MPRIP: variants seen among roughly 807,000 people sequenced by gnomAD.
The protein encoded by MPRIP is myosin phosphatase Rho interacting protein, also known as myosin phosphatase Rho-interacting protein.
MPRIP carries 59 observed loss-of-function variants against 234.9 expected under a neutral mutation model. The ratio of observed to expected loss-of-function variants is 0.25; its 90% CI spans 0.20 to 0.31. The LOEUF is 0.31. MPRIP is among the 10% of genes least tolerant of loss of function. The probability of loss-of-function intolerance (pLI) is 1.00; values close to 1 mark genes in which losing one functional copy is unlikely to be tolerated. For missense variants in MPRIP, 2,436 were observed against 3,071.0 expected (o/e 0.79, Z 4.89); for synonymous variants, 1,144 against 1,263.9 (o/e 0.91, Z 2.01).
At chr17:17,097,805 T>C (rs760103415) in intron 3 of MPRIP, among the ~76,000 whole-genome samples, 4 of 152,162 alleles carry the variant, frequency 2.6e-5, no homozygotes, top group Non-Finnish European at 5.9e-5. Context: ...CAATTTTCCT[T>C]TCTCCACATC....
chr17:17,144,653 C>G (rs1186297562), intron 9 of MPRIP, among the ~76,000 whole-genome samples: 1 of 152,140 alleles, frequency 6.6e-6, no homozygotes, highest in Non-Finnish European at 1.5e-5. Flanking sequence ...GTCAAGAGAT[C>G]GAGACCATCC....
chr17:17,154,136 A>T (rs2045672698), intron 12 of MPRIP, among the ~76,000 whole-genome samples, 170 bp from the exon 13 acceptor site: 1 of 152,158 alleles, frequency 6.6e-6, no homozygotes, highest in South Asian at 2.1e-4. Context: ...CCTGCTCTCC[A>T]GCTCCCTCAT....
chr17:17,069,751 C>T (rs2089149397), intron 1 of MPRIP, among the ~76,000 whole-genome samples: 1 of 152,010 alleles, frequency 6.6e-6, no homozygotes, highest in Non-Finnish European at 1.5e-5. Context: ...ACGTTTAGAA[C>T]CACATTAGAC....
chr17:17,116,487 A>G (rs879501056), intron 3 of MPRIP, among the ~76,000 whole-genome samples: 6 of 152,172 alleles, frequency 3.9e-5, no homozygotes, highest in South Asian at 2.1e-4. Flanking sequence ...GGCCGGATCT[A>G]TGTTCATGAA....
rs555403048 is a variant in MPRIP at position 17,158,490 on chromosome 17, A to G, written c.1888A>G (p.Thr630Ala). 1.2e-6 allele frequency: 2 copies of G among 1,610,142 alleles called. No homozygotes were observed. Among genetic ancestry groups the G allele is most frequent in the East Asian group, 4.5e-5 (2 of 44,852 alleles). The change falls in exon 14 of 24, where the codon ACT (threonine) becomes GCT (alanine). Residue 630 changes from threonine to alanine, a missense_variant. By Grantham distance (58) the Thr-to-Ala change is moderately conservative. Transcript: ENST00000651222. ...SCSFETCPRPTEKQEAELGEP... is the reference protein window; with the variant it reads ...SCSFETCPRPAEKQEAELGEP... ...CTCTTTTGAGACCTGCCCGAGGCCT[A>G]CTGAGAAGCAAGAGGCAGAGCTGGG... is the stretch of plus-strand genomic sequence containing the variant.
At chr17:17,184,017 T>C (rs868098468) in intron 23 of MPRIP, among the ~76,000 whole-genome samples, 5 of 152,248 alleles carry the variant, frequency 3.3e-5, no homozygotes, top group Admixed American at 1.3e-4. Context: ...CACAGCACTT[T>C]CCAGTCAGTA....
chr17:17,123,899 G>C (rs1343291253), intron 3 of MPRIP, among the ~76,000 whole-genome samples: 15 of 152,084 alleles, frequency 9.9e-5, no homozygotes, highest in Admixed American at 9.8e-4. Flanking sequence ...GTGTGTGATA[G>C]GGTTAGGTGA....
chr17:17,088,334 G>A (rs1485217156), intron 3 of MPRIP, among the ~76,000 whole-genome samples: 3 of 152,234 alleles, frequency 2.0e-5, no homozygotes, highest in Non-Finnish European at 4.4e-5. Context: ...ACCCTGCAGC[G>A]TGAAGGCTCG....
At chr17:17,108,223 G>A (rs539069465) in intron 3 of MPRIP, among the ~76,000 whole-genome samples, 1 of 152,292 alleles carries the variant, frequency 6.6e-6, no homozygotes, top group Admixed American at 6.5e-5. Context: ...CACCCCCACT[G>A]CCAGCAGGCT....
intron 2 of MPRIP, chr17:17,076,936 C>CTTTTTTTTTTTTTTTTTTTTTTTTT (rs5819598): frequency 2.2e-5 from 2 of 91,376 alleles, no homozygotes; most frequent in African/African-American, 8.5e-5. Flanking sequence ...GGGCTCTTTG[C>CTTTTTTTTTTTTTTTTTTTTTTTTT]TTTTTTTTTT....
chr17:17,081,134 C>G (rs1291420389), intron 3 of MPRIP, among the ~76,000 whole-genome samples: 1 of 152,248 alleles, frequency 6.6e-6, no homozygotes, highest in African/African-American at 2.4e-5. Flanking sequence ...TATGGCTGGT[C>G]TGTGCCCTCC....
At chr17:17,066,237 A>G (rs1205531108) in intron 1 of MPRIP, among the ~76,000 whole-genome samples, 1 of 152,234 alleles carries the variant, frequency 6.6e-6, no homozygotes, top group Non-Finnish European at 1.5e-5. Flanking sequence ...AGCAATCAGC[A>G]TTTCCCCATT....
At position 17,042,951 on chromosome 17, in the gene MPRIP, A is replaced by C; in HGVS notation, c.103A>C (p.Asn35His). The part of the protein sequence containing the change: ...CFKPRESHLL[N>H]DEDLTQAKPI... ...CAAGCCCCGCGAGTCGCATCTGCTC[A>C]ACGACGAGGACCTGACGCAGGTGAG... The change falls in exon 1 of 24, where the codon AAC becomes CAC. Residue 35 changes from asparagine to histidine, a missense_variant. Asn to His is a moderately conservative substitution (Grantham distance 68). Coordinates refer to ENST00000651222, the MANE Select transcript of MPRIP (RefSeq NM_001364716.4). 1 of 1,610,920 alleles carries C rather than the reference A, an allele frequency of 6.2e-7. No homozygotes were observed. Among genetic ancestry groups the C allele is most frequent in the Non-Finnish European group, 8.5e-7 (1 of 1,178,768 alleles).
At position 17,186,827 on chromosome 17, in the gene MPRIP, G is replaced by A. The variant is rs889753962; in HGVS notation, c.*1933G>A. The A allele has an allele frequency of 1.3e-5, 2 of 152,218 alleles. No individual in the cohort carries two copies. Among genetic ancestry groups the A allele is most frequent in the Non-Finnish European group, 1.5e-5 (1 of 68,080 alleles). 9.4% of individuals were successfully genotyped at this position (152,218 alleles called of 1,614,324 possible). A position where few individuals can be genotyped will look rare whatever the true frequency, so the allele number is the denominator to read the frequency against. On this transcript the variant is annotated 3_prime_UTR_variant, in exon 24 of 24. Coordinates refer to ENST00000651222, the MANE Select transcript of MPRIP (RefSeq NM_001364716.4). The stretch of plus-strand genomic sequence containing the variant: ...ATGGGAATATACAGAAGGAACATTC[G>A]GGACCCCGCTGTCCCCCACAGCCTC...
At position 17,189,378 on chromosome 17, in the gene MPRIP, A is replaced by C. The variant is rs1373570279; in HGVS notation, c.*4484A>C. ...TAATTTTTTTGTATTTTTAGTAGAG[A>C]CGGGGTTTCACCATGTTGGTCAGGA... On this transcript the variant is annotated 3_prime_UTR_variant, in exon 24 of 24. Transcript: ENST00000651222. 6.6e-6 allele frequency: 1 copy of C among 151,758 alleles called. No homozygotes were observed. 9.4% of individuals were successfully genotyped at this position (151,758 alleles called of 1,614,324 possible).
chr17:17,068,472 C>CTGTT (rs2089109398), intron 1 of MPRIP, among the ~76,000 whole-genome samples: 1 of 151,884 alleles, frequency 6.6e-6, no homozygotes, highest in South Asian at 2.1e-4. Flanking sequence ...TTTTATCAGT[C>CTGTT]TGTTCAAAGA....
intron 3 of MPRIP, among the ~76,000 whole-genome samples, chr17:17,111,913 C>T (rs971631648): frequency 6.6e-6 from 1 of 152,154 alleles, no homozygotes; most frequent in African/African-American, 2.4e-5. Flanking sequence ...GCTACCCACC[C>T]TGGCATTTGT....
chr17:17,158,694 G>T lies in MPRIP; in HGVS notation c.2092G>T (p.Glu698Ter). The T allele has an allele frequency of 6.2e-7, 1 of 1,609,204 alleles. No individual in the cohort carries two copies. The highest frequency in any genetic ancestry group is 8.5e-7 in the Non-Finnish European group (1 of 1,179,134). Residue 698 changes from glutamate to a stop codon, truncating the protein, a stop_gained, in exon 14 of 24, where the codon GAG becomes TAG. Coordinates refer to ENST00000651222, the MANE Select transcript of MPRIP (RefSeq NM_001364716.4). LOFTEE classifies it high-confidence loss of function. ...EPLRPEAEPG[E>*]LERERARRRE... The stretch of plus-strand genomic sequence containing the variant: ...CCTGCGCCCTGAGGCGGAGCCTGGG[G>T]AGCTGGAGCGGGAGCGTGCACGGAG...
At chr17:17,066,630 G>C (rs370105051) in intron 1 of MPRIP, among the ~76,000 whole-genome samples, 12 of 144,324 alleles carry the variant, frequency 8.3e-5, no homozygotes, top group African/African-American at 3.0e-4. Context: ...ACCACGGATA[G>C]TACTGAACCT....
Sources: gnomAD v4.1 joint callset for allele counts (sites outside exome capture counted in the v4.1 genomes callset) on GRCh38, gnomAD v4.1.1 for gene constraint, MANE v1.5 for transcripts, NCBI Gene and HGNC (gene_info 2026-07-23, HGNC 2026-07-21) for gene names.